MACF1: variants seen among roughly 807,000 people sequenced by gnomAD.
MACF1 encodes microtubule-actin cross-linking factor 1.
Under a neutral mutation model 854.8 loss-of-function variants are expected in MACF1, and 193 were observed. That is an observed-to-expected ratio of 0.23 (90% CI 0.20 to 0.25). MACF1 has a LOEUF of 0.25. Among genes scored for constraint, MACF1 ranks in the 10% least tolerant of loss-of-function variants. The pLI is 1.00. For synonymous variants in MACF1, 3,185 were observed against 3,226.7 expected, an observed-to-expected ratio of 0.99 and a Z score of 0.44; for missense variants, 7,722 against 8,929.1, an observed-to-expected ratio of 0.86 and a Z score of 5.45.
At chr1:39,427,147 A>T (rs892170940) in intron 61 of MACF1, among the ~76,000 whole-genome samples, 4 of 152,304 alleles carry the variant, frequency 2.6e-5, no homozygotes, top group African/African-American at 7.2e-5. Flanking sequence ...GTTGCTACTC[A>T]CCAGGTGATT....
chr1:39,334,761 C>T lies in MACF1; in HGVS notation c.8173C>T (p.Gln2725Ter). Reference sequence around the variant, plus strand: ...CATGGTCAGAATTATTGCATCTCATCAGGTGTTAAATGGAGGAATTGTTGA... The same window carrying T: ...CATGGTCAGAATTATTGCATCTCATTAGGTGTTAAATGGAGGAATTGTTGA... ...ENMVRIIASHQVLNGGIVDIF... is the reference protein window; with the variant it reads ...ENMVRIIASH Residue 2725 changes from glutamine to a stop codon, truncating the protein, a stop_gained, in exon 37 of 101, where the codon CAG (glutamine) becomes TAG (stop). Transcript: ENST00000564288. LOFTEE classifies it high-confidence loss of function. The T allele has an allele frequency of 5.6e-6, 9 of 1,614,104 alleles. No homozygotes were observed. Among genetic ancestry groups the T allele is most frequent in the Non-Finnish European group, 7.6e-6 (9 of 1,179,994 alleles).
At chr1:39,293,428 G>A in intron 17 of MACF1, 30 bp from the exon 18 acceptor site, 1 of 1,586,026 alleles carries the variant, frequency 6.3e-7, no homozygotes, top group Non-Finnish European at 8.6e-7. Context: ...AAGGCTGCCA[G>A]TCTAATCTTA....
intron 2 of MACF1, among the ~76,000 whole-genome samples, chr1:39,095,531 C>T (rs185925235): frequency 7.2e-5 from 10 of 139,246 alleles, no homozygotes; most frequent in Non-Finnish European, 6.1e-5. Context: ...CCACTGCACT[C>T]CAGCCTGGTG....
At chr1:39,233,482 A>G (rs1644809625) in intron 2 of MACF1, among the ~76,000 whole-genome samples, 1 of 152,206 alleles carries the variant, frequency 6.6e-6, no homozygotes, top group Admixed American at 6.5e-5. Context: ...CTGAGGCCAC[A>G]TGATTCTGGA....
Position 39,285,475 on chromosome 1 carries a change from C to G in MACF1, c.1353+85C>G, listed in dbSNP as rs571438009. 45 of 1,524,556 alleles carry G rather than the reference C, an allele frequency of 3.0e-5. No individual in the cohort carries two copies. In the African/African-American group the frequency reaches 4.4e-4, roughly 15 times the overall value. 94.4% of individuals were successfully genotyped at this position (1,524,556 alleles called of 1,614,324 possible). The stretch of plus-strand genomic sequence containing the variant: ...TGCTCTAATTGTTGAAGTTAGCAAT[C>G]GAGGAATCCAGATGTATTATTTCCC... On this transcript the variant is annotated intron_variant, in intron 13 of 100. Coordinates refer to ENST00000564288, the MANE Select transcript of MACF1 (RefSeq NM_001394062.1).
intron 5 of MACF1, among the ~76,000 whole-genome samples, chr1:39,255,780 T>C (rs1231671230): frequency 6.6e-6 from 1 of 152,192 alleles, no homozygotes; most frequent in Non-Finnish European, 1.5e-5. Flanking sequence ...CTGAAGTGTT[T>C]AGGGTACTGG....
At chr1:39,447,945 G>A (rs1644260271) in intron 82 of MACF1, 47 bp downstream of exon 82, 1 of 1,610,970 alleles carries the variant, frequency 6.2e-7, no homozygotes, top group Non-Finnish European at 8.5e-7. Context: ...GTCTTGGGCT[G>A]CATGTATTGA....
At chr1:39,265,198 T>C (rs1329924993) in intron 6 of MACF1, among the ~76,000 whole-genome samples, 3 of 152,166 alleles carry the variant, frequency 2.0e-5, no homozygotes, top group African/African-American at 7.2e-5. Context: ...TTTTGTGCAC[T>C]TTATGGCACT....
At chr1:39,410,767 A>G in intron 58 of MACF1, 1 of 1,613,968 alleles carries the variant, frequency 6.2e-7, no homozygotes, top group Non-Finnish European at 8.5e-7. Flanking sequence ...CTTGCAAGAG[A>G]AGAAGGAGTC....
intron 2 of MACF1, among the ~76,000 whole-genome samples, chr1:39,199,607 C>G (rs1644364868): frequency 6.6e-6 from 1 of 152,084 alleles, no homozygotes; most frequent in Non-Finnish European, 1.5e-5. Context: ...ATATATAGTT[C>G]CCAGGGATAT....
Position 39,448,706 on chromosome 1 carries a change from A to G in MACF1, c.20201A>G (p.Asn6734Ser), listed in dbSNP as rs917258797. 1.9e-6 allele frequency: 3 copies of G among 1,613,530 alleles called. No homozygotes were observed. The highest frequency in any genetic ancestry group is 1.1e-5 in the South Asian group (1 of 90,994). ...CCCGAAGATAGTCAGAAACTTGACAATTTCCTAGGAGAAGTCAGAGACAAA... is the reference window on the plus strand; with the variant it reads ...CCCGAAGATAGTCAGAAACTTGACAGTTTCCTAGGAGAAGTCAGAGACAAA... ...LLPEDSQKLD[N>S]FLGEVRDKWD... The change falls in exon 84 of 101, where the codon AAT becomes AGT. Residue 6734 changes from asparagine to serine, a missense_variant. By Grantham distance (46) the Asn-to-Ser change is conservative. Around this residue, in one of 15 missense-constraint regions of MACF1, gnomAD observed 729 missense variants for 900.5 expected, o/e 0.81. Transcript: ENST00000564288.
intron 1 of MACF1, among the ~76,000 whole-genome samples, chr1:39,208,933 C>T (rs1325860829): frequency 6.6e-6 from 1 of 151,870 alleles, no homozygotes; most frequent in African/African-American, 2.4e-5. Flanking sequence ...ATCTCAGTAT[C>T]TGCAGTGTCT....
intron 51 of MACF1, among the ~76,000 whole-genome samples, chr1:39,371,954 C>T (rs1649292185): frequency 1.3e-5 from 2 of 151,852 alleles, no homozygotes; most frequent in Non-Finnish European, 2.9e-5. Context: ...GCTGGGATTA[C>T]GGGTGCCTGC....
intron 58 of MACF1, among the ~76,000 whole-genome samples, chr1:39,393,196 A>AAAAAAAAATATATATATATATATATAT (rs57576149): frequency 1.5e-5 from 1 of 66,576 alleles, no homozygotes; most frequent in Non-Finnish European, 2.6e-5. Context: ...AAAAAAAAAA[A>AAAAAAAAATATATATATATATATATAT]ATATATATAT....
chr1:39,481,684 C>T (rs150781427), intron 99 of MACF1, among the ~76,000 whole-genome samples: 3 of 152,200 alleles, frequency 2.0e-5, no homozygotes, highest in African/African-American at 2.4e-5. Context: ...AGTGCCTGAA[C>T]GCTTTTGGAA....
intron 2 of MACF1, among the ~76,000 whole-genome samples, chr1:39,095,561 CAAAA>C (rs34021324): frequency 5.4e-5 from 3 of 55,846 alleles, no homozygotes; most frequent in African/African-American, 2.4e-4. Context: ...GACTCTGTCT[CAAAA>C]AAAAAAAAAA....
chr1:39,263,738 G>A (rs970226560), intron 6 of MACF1, among the ~76,000 whole-genome samples: 2 of 147,332 alleles, frequency 1.4e-5, no homozygotes, highest in African/African-American at 5.0e-5. Context: ...TAGTATCTTT[G>A]GTATATCCTT....
At position 39,102,042 on chromosome 1, in the gene MACF1, G is replaced by A. The variant is rs546277389; in HGVS notation, c.220+17604G>A. ...ATACAAAAAATTAGCCGGGCGAGGT[G>A]GCGGGCGCCTGTAGTCCCAGCTACT... On this transcript the variant is annotated intron_variant, in intron 2 of 93. Transcript: ENST00000361689. Among the ~76,000 whole-genome samples the A allele has an allele frequency of 2.0e-5, 3 of 151,718 alleles. No individual in the cohort carries two copies. In the East Asian group the frequency reaches 5.8e-4, roughly 29 times the overall value.
rs766238070 is a variant in MACF1, at chr1:39,335,790, C to A, written c.9202C>A (p.Gln3068Lys). 3 of 1,614,052 alleles carry A rather than the reference C, an allele frequency of 1.9e-6. No homozygotes were observed. Among genetic ancestry groups the A allele is most frequent in the Non-Finnish European group, 2.5e-6 (3 of 1,180,036 alleles). ...TGCTTTAACACTCTTCAGCTCTAAA[C>A]AGGCCAATGAAGGAAAAGTAAACAA... ...LDALTLFSSK[Q>K]ANEGKVNNLS... The change falls in exon 37 of 101, where the codon CAG becomes AAG. Residue 3068 changes from glutamine to lysine, a missense_variant. Physicochemically the swap from Gln to Lys is moderately conservative, Grantham distance 53. Transcript: ENST00000564288.
Sources: allele counts gnomAD v4.1 joint callset (sites outside exome capture counted in the v4.1 genomes callset), GRCh38; gene constraint gnomAD v4.1.1; regional missense constraint gnomAD v4.1.1; transcripts MANE v1.5; gene names NCBI Gene and HGNC (gene_info 2026-07-23, HGNC 2026-07-21).